The following CSMD1 variants were observed in gnomAD, a reference collection of about 807,000 sequenced individuals.
The protein encoded by CSMD1 is CUB and sushi domain-containing protein 1.
Under a neutral mutation model 417.5 loss-of-function variants are expected in CSMD1, and 213 were observed. That is an observed-to-expected ratio of 0.51 (90% CI 0.46 to 0.57). CSMD1 has a LOEUF of 0.57. CSMD1 is among the 20% of genes least tolerant of loss of function. CSMD1 has a pLI of 0.00. For synonymous variants in CSMD1, 2,862 were observed against 1,736.8 expected, an observed-to-expected ratio of 1.65 and a Z score of -16.11; for missense variants, 6,923 against 4,529.7, an observed-to-expected ratio of 1.53 and a Z score of -15.17.
chr8:4,558,737 T>A (rs1357529248), intron 2 of CSMD1, among the ~76,000 whole-genome samples: 2 of 152,004 alleles, frequency 1.3e-5, no homozygotes, highest in African/African-American at 4.8e-5. Context: ...AGCATGGTGG[T>A]GGCGCCTGTA....
intron 1 of CSMD1, chr8:4,788,189 T>G (rs1797510464): frequency 6.3e-7 from 1 of 1,595,630 alleles, no homozygotes; most frequent in Non-Finnish European, 8.6e-7. Flanking sequence ...ATTTTGGCAT[T>G]CCATGTGAAC....
At chr8:2,939,704 C>G (rs1801730247) in intron 69 of CSMD1, among the ~76,000 whole-genome samples, 3 of 152,194 alleles carry the variant, frequency 2.0e-5, no homozygotes, top group African/African-American at 7.2e-5. Context: ...TACACATGCT[C>G]ATTAAGAAAA....
At chr8:4,585,924 A>T (rs1278274202) in intron 2 of CSMD1, among the ~76,000 whole-genome samples, 5 of 152,246 alleles carry the variant, frequency 3.3e-5, no homozygotes, top group Non-Finnish European at 7.3e-5. Context: ...AATTATATGT[A>T]ACAATAAAAT....
At chr8:3,891,376 T>A (rs964778120) in intron 5 of CSMD1, among the ~76,000 whole-genome samples, 4 of 152,058 alleles carry the variant, frequency 2.6e-5, no homozygotes, top group African/African-American at 9.7e-5. Context: ...ATTAGGTCAA[T>A]TCAATTCCAA....
At chr8:4,381,389 G>C (rs915165974) in intron 3 of CSMD1, among the ~76,000 whole-genome samples, 2 of 152,082 alleles carry the variant, frequency 1.3e-5, no homozygotes, top group South Asian at 2.1e-4. Context: ...AGAGTAAGCA[G>C]GGGTGGAAAA....
At chr8:4,211,893 A>G (rs1485512265) in intron 3 of CSMD1, among the ~76,000 whole-genome samples, 3 of 152,238 alleles carry the variant, frequency 2.0e-5, no homozygotes, top group Non-Finnish European at 4.4e-5. Context: ...TACAGAAAAC[A>G]TTCTTCCAAC....
Position 2,937,182 on chromosome 8 carries a change from A to C in CSMD1, c.*1403T>G, listed in dbSNP as rs552555071. The stretch of plus-strand genomic sequence containing the variant: ...ATAGATTTTATTTGCATCATAACTT[A>C]TCATTTACCTATAATGGAATTTAAA... On this transcript the variant is annotated 3_prime_UTR_variant, in exon 70 of 70. Coordinates refer to ENST00000635120, the MANE Select transcript of CSMD1 (RefSeq NM_033225.6). 1 of 152,260 alleles carries C rather than the reference A, an allele frequency of 6.6e-6. No individual in the cohort carries two copies. The highest frequency in any genetic ancestry group is 2.1e-4 in the South Asian group (1 of 4,830). 9.4% of individuals were successfully genotyped at this position (152,260 alleles called of 1,614,324 possible).
chr8:3,974,015 G>T (rs947820588), intron 5 of CSMD1, among the ~76,000 whole-genome samples: 2 of 152,188 alleles, frequency 1.3e-5, no homozygotes, highest in African/African-American at 4.8e-5. Context: ...CACTCTTTAA[G>T]TTACTTTAAA....
At chr8:3,117,298 C>T (rs1213625361) in intron 42 of CSMD1, among the ~76,000 whole-genome samples, 1 of 152,126 alleles carries the variant, frequency 6.6e-6, no homozygotes, top group African/African-American at 2.4e-5. Context: ...GTCTTGATCT[C>T]CTGATCTTGT....
chr8:3,904,095 T>C lies in CSMD1; in HGVS notation c.818+93808A>G, dbSNP rs538738322. Among the ~76,000 whole-genome samples the C allele has an allele frequency of 5.3e-5, 8 of 152,286 alleles. No homozygotes were observed. The South Asian group carries it at 1.7e-3, about 32-fold the overall frequency. ...TCTTCAGTCAAAGATTGTACATTAT[T>C]TTGTTTATGCCTAATGAAGTAATTC... On this transcript the variant is annotated intron_variant, in intron 5 of 69. Coordinates refer to ENST00000635120, the MANE Select transcript of CSMD1 (RefSeq NM_033225.6).
At chr8:4,895,179 A>T (rs1396734940) in intron 1 of CSMD1, among the ~76,000 whole-genome samples, 1 of 152,220 alleles carries the variant, frequency 6.6e-6, no homozygotes, top group Non-Finnish European at 1.5e-5. Context: ...CTATTTGTAG[A>T]AGGTTCAATA....
At chr8:3,708,207 G>A (rs1048935560) in intron 7 of CSMD1, among the ~76,000 whole-genome samples, 4 of 152,132 alleles carry the variant, frequency 2.6e-5, no homozygotes, top group African/African-American at 9.7e-5. Context: ...CGTGACACAT[G>A]GTTAGGAGTT....
chr8:4,615,271 C>A (rs528484676), intron 2 of CSMD1, among the ~76,000 whole-genome samples: 1 of 152,280 alleles, frequency 6.6e-6, no homozygotes, highest in African/African-American at 2.4e-5. Context: ...GAGCTTAAGG[C>A]ACTATGAAAT....
At chr8:3,460,668 G>C (rs138969160) in intron 12 of CSMD1, among the ~76,000 whole-genome samples, 1 of 152,156 alleles carries the variant, frequency 6.6e-6, no homozygotes, top group Non-Finnish European at 1.5e-5. Context: ...ACCGAAATTC[G>C]TGGAGAAAAA....
chr8:4,168,294 T>G (rs1797570006), intron 3 of CSMD1, among the ~76,000 whole-genome samples: 1 of 151,898 alleles, frequency 6.6e-6, no homozygotes, highest in Admixed American at 6.6e-5. Context: ...CACAGGAGGC[T>G]GAGGCAGAAA....
At chr8:4,800,076 T>G (rs1585119561) in intron 1 of CSMD1, among the ~76,000 whole-genome samples, 1 of 152,198 alleles carries the variant, frequency 6.6e-6, no homozygotes, top group East Asian at 1.9e-4. Flanking sequence ...GATATAAAAT[T>G]GAATATCCTG....
intron 1 of CSMD1, among the ~76,000 whole-genome samples, chr8:4,961,554 G>C (rs1409551929): frequency 6.6e-6 from 1 of 152,076 alleles, no homozygotes; most frequent in Non-Finnish European, 1.5e-5. Flanking sequence ...TTAGAATTTT[G>C]AAGACGTTAA....
At chr8:3,008,796 C>A (rs150858442) in intron 52 of CSMD1, among the ~76,000 whole-genome samples, 2 of 152,188 alleles carry the variant, frequency 1.3e-5, no homozygotes, top group East Asian at 1.9e-4. Context: ...CCTAAAACCA[C>A]CACACTGATT....
In CSMD1 at chr8:4,788,284, T is replaced by C. The variant is rs1484380940; in HGVS notation, c.86-150726A>G. On this transcript the variant is annotated intron_variant, in intron 1 of 69. Coordinates refer to ENST00000635120, the MANE Select transcript of CSMD1 (RefSeq NM_033225.6). ...GAAAGGGATGGCATTCCTACTGTAT[T>C]TGTGGCAGTGGCAGGCAGAAGTAAT... 21 of 1,590,242 alleles carry C rather than the reference T, an allele frequency of 1.3e-5. No individual in the cohort carries two copies. The Admixed American group carries it at 2.9e-4, about 22-fold the overall frequency.
Sources: gnomAD v4.1 joint callset for allele counts (sites outside exome capture counted in the v4.1 genomes callset) on GRCh38, gnomAD v4.1.1 for gene constraint, MANE v1.5 for transcripts, NCBI Gene and HGNC (gene_info 2026-07-23, HGNC 2026-07-21) for gene names.